The following UXS1 variants were observed in gnomAD, a reference collection of about 807,000 sequenced individuals.
UXS1 encodes UDP-glucuronate decarboxylase 1.
Under a neutral mutation model 62.6 loss-of-function variants are expected in UXS1, and 33 were observed. The observed-to-expected ratio is 0.53, with a 90% CI of 0.40 to 0.70. The LOEUF is 0.70. UXS1 is among the 30% of genes least tolerant of loss of function. The pLI is 0.00. For synonymous variants in UXS1, 213 were observed against 206.8 expected (o/e 1.03, Z -0.26); for missense variants, 434 against 556.3 (o/e 0.78, Z 2.21).
At position 106,147,105 on chromosome 2, in the gene UXS1, C is replaced by A. The variant is rs1301120643; in HGVS notation, c.292-1735G>T. On this transcript the variant is annotated intron_variant, in intron 5 of 14. Transcript: ENST00000283148. The stretch of plus-strand genomic sequence containing the variant: ...ACAGTGAGTTGAGATCACACCACTG[C>A]ACTCCAGCCTGGGTGACAGAGCGAG... Among the ~76,000 whole-genome samples, 10 of 152,272 alleles carry A rather than the reference C, an allele frequency of 6.6e-5. No individual in the cohort carries two copies. The East Asian group carries it at 1.9e-3, about 29-fold the overall frequency.
Position 106,164,800 on chromosome 2 carries a change from C to T in UXS1, c.123-1G>A. 1.3e-6 allele frequency: 2 copies of T among 1,582,424 alleles called. No individual in the cohort carries two copies. Among genetic ancestry groups the T allele is most frequent in the South Asian group, 2.3e-5 (2 of 85,588 alleles). On this transcript the variant is annotated splice_acceptor_variant, in intron 2 of 14. Coordinates refer to ENST00000283148, the MANE Select transcript of UXS1 (RefSeq NM_001253875.2). LOFTEE classifies it high-confidence loss of function. ...CTGGATAGACCTGTTGAGTAGAAAG[C>T]TATAAAACTGAGATCAACTGAAAGG...
chr2:106,141,852 T>G (rs909361362), intron 6 of UXS1, among the ~76,000 whole-genome samples: 1 of 148,486 alleles, frequency 6.7e-6, no homozygotes, highest in South Asian at 2.2e-4. Flanking sequence ...AACAACTGGA[T>G]GTTAGCTTCA....
intron 4 of UXS1, among the ~76,000 whole-genome samples, chr2:106,162,231 G>A (rs915194698): frequency 6.6e-6 from 1 of 152,122 alleles, no homozygotes. Flanking sequence ...TTTTCAAGGC[G>A]GTTTCACAGG....
intron 1 of UXS1, among the ~76,000 whole-genome samples, chr2:106,172,971 A>G (rs996880714): frequency 2.0e-5 from 3 of 152,192 alleles, no homozygotes; most frequent in African/African-American, 7.2e-5. Flanking sequence ...ACCTTATAAA[A>G]GAGGTCTTCT....
intron 8 of UXS1, among the ~76,000 whole-genome samples, chr2:106,124,595 T>G (rs905512290): frequency 3.3e-5 from 5 of 152,194 alleles, no homozygotes; most frequent in African/African-American, 9.7e-5. Context: ...TTAGGAAGCC[T>G]AAGGAACACA....
At chr2:106,184,628 T>C (rs1301824645) in intron 1 of UXS1, among the ~76,000 whole-genome samples, 1 of 152,166 alleles carries the variant, frequency 6.6e-6, no homozygotes, top group Non-Finnish European at 1.5e-5. Context: ...AAGGGAGGAA[T>C]GAACTCCCTT....
chr2:106,141,022 CT>C (rs1369027936), intron 6 of UXS1, among the ~76,000 whole-genome samples: 1 of 152,204 alleles, frequency 6.6e-6, no homozygotes, highest in Non-Finnish European at 1.5e-5. Flanking sequence ...AGATGTGTGG[CT>C]TTCTGAAGCA....
chr2:106,096,662 G>T, intron 14 of UXS1, 56 bp downstream of exon 14: 1 of 1,476,780 alleles, frequency 6.8e-7, no homozygotes, highest in Non-Finnish European at 9.1e-7. Context: ...CAGGACAGCA[G>T]ACACAGGACA....
At chr2:106,194,102 CG>C in intron 1 of UXS1, 45 bp downstream of exon 1, 1 of 1,411,592 alleles carries the variant, frequency 7.1e-7, no homozygotes. Flanking sequence ...ACCGCGGCGC[CG>C]GGGAATGAAT....
At chr2:106,098,836 C>T (rs780030294) in intron 12 of UXS1, 63 bp from the exon 13 acceptor site, 2 of 1,476,258 alleles carry the variant, frequency 1.4e-6, no homozygotes, top group Non-Finnish European at 1.9e-6. Flanking sequence ...ACCACCCAGA[C>T]CACAGGCGTG....
At chr2:106,094,362 G>T (rs760281542) in intron 14 of UXS1, among the ~76,000 whole-genome samples, 1 of 151,832 alleles carries the variant, frequency 6.6e-6, no homozygotes, top group African/African-American at 2.4e-5. Context: ...CTTCAGGGCC[G>T]CTTTCAGAAT....
At chr2:106,141,729 A>G (rs968314694) in intron 6 of UXS1, among the ~76,000 whole-genome samples, 1 of 152,086 alleles carries the variant, frequency 6.6e-6, no homozygotes, top group East Asian at 1.9e-4. Context: ...GATTACAGAC[A>G]TGATCCACTG....
chr2:106,138,289 C>T, intron 6 of UXS1: 1 of 985,500 alleles, frequency 1.0e-6, no homozygotes, highest in Non-Finnish European at 1.2e-6. Flanking sequence ...TAATCCCTTG[C>T]CTGCACCACT....
chr2:106,164,052 A>G (rs1683062090), intron 3 of UXS1, among the ~76,000 whole-genome samples: 1 of 152,240 alleles, frequency 6.6e-6, no homozygotes, highest in African/African-American at 2.4e-5. Context: ...CATGGCCCAC[A>G]AAAGCTTAAC....
intron 1 of UXS1, among the ~76,000 whole-genome samples, chr2:106,173,897 G>A (rs970238621): frequency 2.0e-5 from 3 of 152,214 alleles, no homozygotes; most frequent in African/African-American, 7.2e-5. Context: ...TGCTCTAAGG[G>A]ATACCAGAAT....
At chr2:106,162,015 C>T (rs966031031) in intron 4 of UXS1, among the ~76,000 whole-genome samples, 1 of 152,162 alleles carries the variant, frequency 6.6e-6, no homozygotes, top group Non-Finnish European at 1.5e-5. Context: ...ATCTTTATCA[C>T]ACACTGAGTC....
chr2:106,180,058 G>A (rs1399928877), intron 1 of UXS1, among the ~76,000 whole-genome samples: 21 of 151,842 alleles, frequency 1.4e-4, no homozygotes, highest in Admixed American at 1.3e-3. Flanking sequence ...GCAGTGAGCC[G>A]AGATCACACC....
At chr2:106,118,272 T>C (rs1176238877) in intron 9 of UXS1, among the ~76,000 whole-genome samples, 1 of 152,046 alleles carries the variant, frequency 6.6e-6, no homozygotes, top group African/African-American at 2.4e-5. Context: ...CAACTCCGAC[T>C]TTTTCAAAAG....
intron 1 of UXS1, 76 bp from the exon 2 acceptor site, chr2:106,166,159 T>A (rs1413290382): frequency 7.2e-7 from 1 of 1,385,660 alleles, no homozygotes; most frequent in Non-Finnish European, 1.0e-6. Context: ...GAATCTTAAA[T>A]TTTAACCAAT....
Sources: allele counts gnomAD v4.1 joint callset (sites outside exome capture counted in the v4.1 genomes callset), GRCh38; gene constraint gnomAD v4.1.1; transcripts MANE v1.5; gene names NCBI Gene and HGNC (gene_info 2026-07-23, HGNC 2026-07-21).